ASXL1: variants seen among roughly 807,000 people sequenced by gnomAD.
ASXL1 encodes ASXL transcriptional regulator 1.
In ASXL1, 65 loss-of-function variants were observed where a neutral mutation model predicts 89.1. The observed-to-expected ratio is 0.73, with a 90% CI of 0.60 to 0.90. The LOEUF (loss-of-function observed/expected upper bound fraction) is 0.90. Among genes scored for constraint, ASXL1 ranks in the 40% least tolerant of loss-of-function variants. ASXL1 has a pLI of 0.00. For synonymous variants in ASXL1, 739 were observed against 746.9 expected (o/e 0.99, Z 0.17); for missense variants, 1,786 against 1,942.9 (o/e 0.92, Z 1.52).
rs755376183 is a variant in ASXL1, at chr20:32,433,849, A to G, written c.1651A>G (p.Thr551Ala). 6.2e-7 allele frequency: 1 copy of G among 1,613,866 alleles called. No individual in the cohort carries two copies. The highest frequency in any genetic ancestry group is 1.3e-5 in the African/African-American group (1 of 74,918). Residue 551 changes from threonine to alanine, a missense_variant, in exon 12 of 13, where the codon ACA (threonine) becomes GCA (alanine). Physicochemically the swap from Thr to Ala is moderately conservative, Grantham distance 58. This residue lies in a region of ASXL1 where 1,418 missense variants were observed against 1,427.8 expected (regional missense o/e 0.99). Transcript: ENST00000375687. ...RLEDRQSFRN[T>A]IESVHTEKPQ... ...TGAAGATCGTCAGTCCTTTCGTAACACAATTGAAAGTGTTCACACCGAAAA... is the reference window on the plus strand; with the variant it reads ...TGAAGATCGTCAGTCCTTTCGTAACGCAATTGAAAGTGTTCACACCGAAAA...
At position 32,434,822 on chromosome 20, in the gene ASXL1, G is replaced by T. The variant is rs151317625; in HGVS notation, c.2110G>T (p.Gly704Trp). 65 of 1,613,986 alleles carry T rather than the reference G, an allele frequency of 4.0e-5. No individual in the cohort carries two copies. Among genetic ancestry groups the T allele is most frequent in the Non-Finnish European group, 5.0e-5 (59 of 1,180,034 alleles). Residue 704 changes from glycine (G) to tryptophan (W), a missense_variant, in exon 13 of 13, where the codon GGG becomes TGG. Physicochemically the swap from Gly to Trp is radical, Grantham distance 184. Transcript: ENST00000375687. ...TQLLPPYPLN[G>W]EHTQAGTAMS... Reference sequence around the variant, plus strand: ...ACTACTGCCGCCTTATCCTCTAAATGGGGAGCATACCCAGGCCGGAACTGC... The same window carrying T: ...ACTACTGCCGCCTTATCCTCTAAATTGGGAGCATACCCAGGCCGGAACTGC...
intron 1 of ASXL1, chr20:32,359,241 G>T (rs1449853684): frequency 1.4e-6 from 1 of 701,728 alleles, no homozygotes; most frequent in East Asian, 2.7e-5. Flanking sequence ...CTTCCTGGTG[G>T]GTAATGGGGT....
At chr20:32,423,646 G>A (rs1261530276) in intron 4 of ASXL1, among the ~76,000 whole-genome samples, 4 of 152,118 alleles carry the variant, frequency 2.6e-5, no homozygotes, top group Non-Finnish European at 5.9e-5. Flanking sequence ...CATGTCCCGG[G>A]TTCAAGCGAT....
At chr20:32,388,632 A>G (rs1299413155) in intron 4 of ASXL1, among the ~76,000 whole-genome samples, 1 of 152,188 alleles carries the variant, frequency 6.6e-6, no homozygotes, top group Non-Finnish European at 1.5e-5. Flanking sequence ...TTAAATATAC[A>G]TTGCTGGATT....
intron 4 of ASXL1, among the ~76,000 whole-genome samples, chr20:32,403,233 A>G (rs2048904310): frequency 6.6e-6 from 1 of 152,046 alleles, no homozygotes; most frequent in Non-Finnish European, 1.5e-5. Context: ...TCCTACGCAC[A>G]CTGTTCTGGC....
In ASXL1 at chr20:32,369,101, G is replaced by A. The variant is rs2048254049; in HGVS notation, c.230G>A (p.Arg77Gln). Residue 77 changes from arginine to glutamine, a missense_variant, in exon 4 of 13, where the codon CGA (arginine) becomes CAA (glutamine). Around this residue, in one of 3 missense-constraint regions of ASXL1, gnomAD observed 332 missense variants for 449.7 expected, o/e 0.74. Coordinates refer to ENST00000375687, the MANE Select transcript of ASXL1 (RefSeq NM_015338.6). Reference protein sequence around the residue: ...GEGLFYKLPGRISLFTLKKDA... With the variant: ...GEGLFYKLPGQISLFTLKKDA... ...GGGTTGTTTTATAAACTGCCTGGCC[G>A]AATCAGCCTTTTCACGCTCAAGGTA... The A allele has an allele frequency of 1.2e-6, 2 of 1,612,802 alleles. No individual in the cohort carries two copies. The highest frequency in any genetic ancestry group is 1.7e-6 in the Non-Finnish European group (2 of 1,178,964).
rs1042835852 is a variant in ASXL1, at chr20:32,432,813, C to T, written c.980-67C>T. 13 of 1,571,224 alleles carry T rather than the reference C, an allele frequency of 8.3e-6. 1 individual carries two copies. Among genetic ancestry groups the T allele is most frequent in the East Asian group, 4.6e-5 (2 of 43,642 alleles). On this transcript the variant is annotated intron_variant, in intron 10 of 12. Coordinates refer to ENST00000375687, the MANE Select transcript of ASXL1 (RefSeq NM_015338.6). ...CGTGTTGTTTTAAAACTGGGAGATTCAGCTGTCCATAAGACAGACATTAAT... is the reference window on the plus strand; with the variant it reads ...CGTGTTGTTTTAAAACTGGGAGATTTAGCTGTCCATAAGACAGACATTAAT...
chr20:32,401,126 C>T (rs1429473047), intron 4 of ASXL1, among the ~76,000 whole-genome samples: 1 of 152,116 alleles, frequency 6.6e-6, no homozygotes, highest in Non-Finnish European at 1.5e-5. Flanking sequence ...AGGAAATTGA[C>T]ATTGGTATAA....
At chr20:32,413,386 T>C (rs1247026663) in intron 4 of ASXL1, among the ~76,000 whole-genome samples, 1 of 152,180 alleles carries the variant, frequency 6.6e-6, no homozygotes, top group African/African-American at 2.4e-5. Flanking sequence ...TATATAGTTT[T>C]GATTTGTAAT....
chr20:32,427,808 C>G, intron 4 of ASXL1: 1 of 380,672 alleles, frequency 2.6e-6, no homozygotes, highest in Non-Finnish European at 5.0e-6. Context: ...AATTGACCCC[C>G]CTACTTATTT....
At chr20:32,392,514 T>C (rs1305632355) in intron 4 of ASXL1, among the ~76,000 whole-genome samples, 2 of 147,190 alleles carry the variant, frequency 1.4e-5, no homozygotes, top group Non-Finnish European at 3.0e-5. Context: ...ACTCTTGACC[T>C]CGTGATCTGC....
At chr20:32,382,282 C>T (rs1431322348) in intron 4 of ASXL1, among the ~76,000 whole-genome samples, 1 of 152,020 alleles carries the variant, frequency 6.6e-6, no homozygotes, top group Non-Finnish European at 1.5e-5. Context: ...GCCTCTTGCC[C>T]TCTTTAGAGC....
intron 1 of ASXL1, among the ~76,000 whole-genome samples, chr20:32,362,211 C>T (rs1569233582): frequency 6.6e-6 from 1 of 152,236 alleles, no homozygotes; most frequent in East Asian, 1.9e-4. Flanking sequence ...AACACCTGAA[C>T]ACTTCTCTTT....
rs757709941 is a variant in ASXL1 at position 32,428,142 on chromosome 20, G to A, written c.267G>A (p.Gln89=). The change falls in exon 5 of 13, where the codon CAG becomes CAA. Residue 89 remains glutamine (Q), a synonymous_variant. Coordinates refer to ENST00000375687, the MANE Select transcript of ASXL1 (RefSeq NM_015338.6). ...SLFTLKKDAL[Q]WSRHPATVEG... is the part of the protein sequence containing the mutation. ...TGCTGTCACAGAAGGATGCCCTGCA[G>A]TGGTCTCGCCATCCAGCTACAGTGG... 2 of 1,613,518 alleles carry A rather than the reference G, an allele frequency of 1.2e-6. No individual in the cohort carries two copies. The highest frequency in any genetic ancestry group is 2.7e-5 in the African/African-American group (2 of 74,902).
In ASXL1 at chr20:32,366,299, T is replaced by C. The variant is rs1600470888; in HGVS notation, c.58-85T>C. On this transcript the variant is annotated intron_variant, in intron 1 of 12. Transcript: ENST00000375687. ...CTAAGTTGTCACCAGCGGTACCTCA[T>C]AGCATAACTTTAGCCCATGATATAT... The C allele has an allele frequency of 2.2e-5, 27 of 1,204,570 alleles. No individual in the cohort carries two copies. The East Asian group carries it at 6.3e-4, about 28-fold the overall frequency. The allele number at this position is 1,204,570 out of a possible 1,614,324, so 74.6% of individuals were successfully genotyped here. A position where few individuals can be genotyped will look rare whatever the true frequency, so the allele number is the denominator to read the frequency against.
At position 32,366,368 on chromosome 20, in the gene ASXL1, G is replaced by A. The variant is rs777443478; in HGVS notation, c.58-16G>A. On this transcript the variant is annotated splice_polypyrimidine_tract_variant and intron_variant, in intron 1 of 12. Transcript: ENST00000375687. Reference sequence around the variant, plus strand: ...GGAAATTGCACACTGAAATTAGGACGTTTATATTTCTTCAGGTATTAGAAA... The same window carrying A: ...GGAAATTGCACACTGAAATTAGGACATTTATATTTCTTCAGGTATTAGAAA... 4.4e-6 allele frequency: 7 copies of A among 1,592,176 alleles called. No homozygotes were observed. Among genetic ancestry groups the A allele is most frequent in the East Asian group, 2.2e-5 (1 of 44,756 alleles).
chr20:32,384,666 T>G (rs1037658210), intron 4 of ASXL1, among the ~76,000 whole-genome samples: 1 of 152,182 alleles, frequency 6.6e-6, no homozygotes, highest in Non-Finnish European at 1.5e-5. Flanking sequence ...AGGGCCCTGG[T>G]CAGAGTCTGG....
intron 4 of ASXL1, among the ~76,000 whole-genome samples, chr20:32,425,160 T>C (rs1255059392): frequency 6.6e-6 from 1 of 152,282 alleles, no homozygotes; most frequent in Admixed American, 6.5e-5. Flanking sequence ...CTATTTTGTT[T>C]TTAATATTCA....
chr20:32,403,877 C>T (rs981449359), intron 4 of ASXL1, among the ~76,000 whole-genome samples: 2 of 146,858 alleles, frequency 1.4e-5, no homozygotes, highest in Non-Finnish European at 3.0e-5. Flanking sequence ...TTTAGGTTGT[C>T]TTTTTTTTTT....
Sources: allele counts gnomAD v4.1 joint callset (sites outside exome capture counted in the v4.1 genomes callset), GRCh38; gene constraint gnomAD v4.1.1; regional missense constraint gnomAD v4.1.1; transcripts MANE v1.5; gene names NCBI Gene and HGNC (gene_info 2026-07-23, HGNC 2026-07-21).